Variants in CBFA2T2 observed in about 807,000 individuals in gnomAD.
CBFA2T2 encodes protein CBFA2T2.
A neutral mutation model predicts 62.2 loss-of-function variants in CBFA2T2; 11 were observed. The ratio of observed to expected loss-of-function variants is 0.18; its 90% CI spans 0.11 to 0.29. CBFA2T2 has a LOEUF of 0.29. CBFA2T2 is among the 10% of genes least tolerant of loss of function. The pLI is 1.00. For missense variants in CBFA2T2, 592 were observed against 774.1 expected (o/e 0.76, Z 2.79); for synonymous variants, 295 against 287.5 (o/e 1.03, Z -0.27).
At chr20:33,506,696 G>A (rs1374703292) in intron 1 of CBFA2T2, among the ~76,000 whole-genome samples, 1 of 152,190 alleles carries the variant, frequency 6.6e-6, no homozygotes, top group Non-Finnish European at 1.5e-5. Flanking sequence ...TGAGAGTTCT[G>A]TTGGGAAATA....
intron 1 of CBFA2T2, among the ~76,000 whole-genome samples, chr20:33,536,532 C>G (rs1293239835): frequency 6.6e-6 from 1 of 151,854 alleles, no homozygotes; most frequent in Non-Finnish European, 1.5e-5. Context: ...CTCCTCACTT[C>G]CCAGACGGGG....
rs181005088 is a variant in CBFA2T2 at position 33,503,626 on chromosome 20, G to A, written c.34+13325G>A. ...CAGTGAAATATATTCATTTTGTATG[G>A]TTTATTTATTTATCTTTTTTTCTTG... On this transcript the variant is annotated intron_variant, in intron 1 of 10. Transcript: ENST00000342704. Among the ~76,000 whole-genome samples the A allele has an allele frequency of 2.7e-3, 405 of 152,130 alleles. 2 individuals carry two copies. Among genetic ancestry groups the A allele is most frequent in the African/African-American group, 8.4e-3 (347 of 41,508 alleles).
intron 1 of CBFA2T2, among the ~76,000 whole-genome samples, chr20:33,576,485 A>T (rs1490540048): frequency 1.7e-4 from 26 of 152,232 alleles, no homozygotes; most frequent in Admixed American, 1.7e-3. Flanking sequence ...ACAGCCCCTC[A>T]GGGATAGGAA....
intron 1 of CBFA2T2, among the ~76,000 whole-genome samples, chr20:33,547,453 A>C (rs895389317): frequency 1.3e-5 from 2 of 152,208 alleles, no homozygotes; most frequent in Non-Finnish European, 2.9e-5. Context: ...CTGTAATCCC[A>C]GCACTTTGGG....
At chr20:33,600,205 TTTTTTTG>T (rs2015072647) in intron 1 of CBFA2T2, 1 of 142,230 alleles carries the variant, frequency 7.0e-6, no homozygotes, top group South Asian at 2.4e-4. Context: ...TTTTTTTTTT[TTTTTTTG>T]TGATGGAGTC....
chr20:33,637,670 CTTT>C (rs561146788), intron 9 of CBFA2T2, among the ~76,000 whole-genome samples: 282 of 141,954 alleles, frequency 2.0e-3, no homozygotes, highest in Middle Eastern at 3.6e-3. Flanking sequence ...CTCACTTTTC[CTTT>C]TTTTTTTTTT....
chr20:33,516,040 G>A (rs1199224598), intron 1 of CBFA2T2, among the ~76,000 whole-genome samples: 1 of 152,076 alleles, frequency 6.6e-6, no homozygotes, highest in Non-Finnish European at 1.5e-5. Context: ...AGGAGGCTGA[G>A]GCAGGAGGAG....
intron 10 of CBFA2T2, among the ~76,000 whole-genome samples, chr20:33,642,614 A>G (rs746507309): frequency 5.9e-5 from 9 of 151,974 alleles, no homozygotes; most frequent in Non-Finnish European, 1.2e-4. Flanking sequence ...AAAAAAAAAA[A>G]GAAAAAAGAA....
At chr20:33,607,332 TTGGC>T (rs1333668005) in intron 2 of CBFA2T2, among the ~76,000 whole-genome samples, 1 of 152,236 alleles carries the variant, frequency 6.6e-6, no homozygotes, top group Non-Finnish European at 1.5e-5. Flanking sequence ...TTCATATTCT[TTGGC>T]TGGTAACTAT....
chr20:33,538,371 TCTTTTTC>T (rs1224035674), intron 1 of CBFA2T2, among the ~76,000 whole-genome samples: 1 of 152,090 alleles, frequency 6.6e-6, no homozygotes, highest in African/African-American at 2.4e-5. Context: ...TTTTCTTTTT[TCTTTTTC>T]CTTTTTTTTT....
At chr20:33,517,024 G>A (rs567547666) in intron 1 of CBFA2T2, among the ~76,000 whole-genome samples, 1 of 152,278 alleles carries the variant, frequency 6.6e-6, no homozygotes, top group South Asian at 2.1e-4. Context: ...CTTTCTAAAT[G>A]CTCTGTAAAT....
chr20:33,531,699 C>G (rs2012067093), intron 1 of CBFA2T2, among the ~76,000 whole-genome samples: 1 of 152,186 alleles, frequency 6.6e-6, no homozygotes, highest in Non-Finnish European at 1.5e-5. Flanking sequence ...GCGAGCTAAA[C>G]TAATAGCTCC....
Position 33,649,562 on chromosome 20 carries a change from G to T in CBFA2T2, c.*4916G>T, listed in dbSNP as rs1293082431. On this transcript the variant is annotated 3_prime_UTR_variant, in exon 11 of 11. Transcript: ENST00000342704. ...CAGACCCCATCTGGTCGAGCCTACG[G>T]CTGCCCAGTGTACACTCAGTGATGC... 1 of 152,354 alleles carries T rather than the reference G, an allele frequency of 6.6e-6. No individual in the cohort carries two copies. Among genetic ancestry groups the T allele is most frequent in the Admixed American group, 6.5e-5 (1 of 15,282 alleles). The allele number at this position is 152,354 out of a possible 1,614,324, so 9.4% of individuals were successfully genotyped here. A position where few individuals can be genotyped will look rare whatever the true frequency, so the allele number is the denominator to read the frequency against.
Position 33,623,185 on chromosome 20 carries a change from A to T in CBFA2T2, c.581A>T (p.Tyr194Phe). 1 of 1,614,232 alleles carries T rather than the reference A, an allele frequency of 6.2e-7. No individual in the cohort carries two copies. The highest frequency in any genetic ancestry group is 8.5e-7 in the Non-Finnish European group (1 of 1,180,034). ...ARAAKQTPSQYLAQHEHLLLN... is the reference protein window; with the variant it reads ...ARAAKQTPSQFLAQHEHLLLN... ...GCGGCCAAGCAGACCCCATCCCAGTACCTGGCTCAGCACGAACACCTTCTG... is the reference window on the plus strand; with the variant it reads ...GCGGCCAAGCAGACCCCATCCCAGTTCCTGGCTCAGCACGAACACCTTCTG... Residue 194 changes from tyrosine to phenylalanine, a missense_variant, in exon 5 of 11, where the codon TAC (tyrosine) becomes TTC (phenylalanine). Physicochemically the swap from Tyr to Phe is conservative, Grantham distance 22. Around this residue, in one of 3 missense-constraint regions of CBFA2T2, gnomAD observed 449 missense variants for 551.2 expected, o/e 0.81. Coordinates refer to ENST00000342704, the MANE Select transcript of CBFA2T2 (RefSeq NM_001032999.3).
At chr20:33,576,463 T>C (rs747062850) in intron 1 of CBFA2T2, among the ~76,000 whole-genome samples, 5 of 152,252 alleles carry the variant, frequency 3.3e-5, no homozygotes, top group Non-Finnish European at 7.3e-5. Context: ...TTCAAAGCTT[T>C]TTATCCAAAT....
At chr20:33,641,867 C>CTT (rs770790247) in intron 10 of CBFA2T2, among the ~76,000 whole-genome samples, 3 of 135,742 alleles carry the variant, frequency 2.2e-5, no homozygotes, top group African/African-American at 5.4e-5. Context: ...TACAGATGGG[C>CTT]TTTTTTTTTT....
chr20:33,606,865 C>A, intron 1 of CBFA2T2, 91 bp from the exon 2 acceptor site: 1 of 1,260,032 alleles, frequency 7.9e-7, no homozygotes, highest in South Asian at 1.3e-5. Context: ...ACCAAGCAGT[C>A]CTCTAGGGAA....
At chr20:33,620,198 A>G (rs1016553289) in intron 4 of CBFA2T2, among the ~76,000 whole-genome samples, 2 of 152,178 alleles carry the variant, frequency 1.3e-5, no homozygotes, top group African/African-American at 4.8e-5. Flanking sequence ...TTATATTTAC[A>G]TGGAATAAAA....
intron 1 of CBFA2T2, among the ~76,000 whole-genome samples, chr20:33,582,260 A>T (rs995871497): frequency 1.3e-5 from 2 of 151,844 alleles, no homozygotes; most frequent in Admixed American, 6.6e-5. Context: ...TGGGAGGCTG[A>T]GGTGGGTGGA....
Sources: allele counts gnomAD v4.1 joint callset (sites outside exome capture counted in the v4.1 genomes callset), GRCh38; gene constraint gnomAD v4.1.1; regional missense constraint gnomAD v4.1.1; transcripts MANE v1.5; gene names NCBI Gene and HGNC (gene_info 2026-07-23, HGNC 2026-07-21).